The following DLGAP1 variants were observed in gnomAD, a reference collection of about 807,000 sequenced individuals.
The protein encoded by DLGAP1 is DLG associated protein 1, also known as disks large-associated protein 1.
In DLGAP1, 11 loss-of-function variants were observed where a neutral mutation model predicts 90.8. The observed-to-expected ratio is 0.12, with a 90% CI of 0.08 to 0.20. The LOEUF (loss-of-function observed/expected upper bound fraction) is 0.20, where lower values mean the gene tolerates loss of function less well. Among genes scored for constraint, DLGAP1 ranks in the 10% least tolerant of loss-of-function variants. The pLI, the probability that DLGAP1 is intolerant of heterozygous loss-of-function variation, is 1.00. For synonymous variants in DLGAP1, 558 were observed against 540.7 expected (o/e 1.03, Z -0.44); for missense variants, 1,050 against 1,333.8 (o/e 0.79, Z 3.31).
intron 8 of DLGAP1, among the ~76,000 whole-genome samples, chr18:3,578,061 T>C (rs967097221): frequency 2.0e-5 from 3 of 152,204 alleles, no homozygotes; most frequent in Admixed American, 6.5e-5. Flanking sequence ...ATTTTTACCA[T>C]ACCCAAAATG....
At chr18:4,090,438 T>C (rs1437090009) in intron 2 of DLGAP1, among the ~76,000 whole-genome samples, 2 of 152,170 alleles carry the variant, frequency 1.3e-5, no homozygotes, top group African/African-American at 4.8e-5. Flanking sequence ...GCAAAGGACA[T>C]GTACAGACAC....
At chr18:4,393,952 A>T (rs922983038) in intron 1 of DLGAP1, among the ~76,000 whole-genome samples, 1 of 142,682 alleles carries the variant, frequency 7.0e-6, no homozygotes, top group African/African-American at 2.5e-5. Flanking sequence ...GGTAATGCTC[A>T]CTCACCCATG....
chr18:4,075,687 G>A (rs1420744577), intron 2 of DLGAP1, among the ~76,000 whole-genome samples: 1 of 152,132 alleles, frequency 6.6e-6, no homozygotes, highest in Non-Finnish European at 1.5e-5. Flanking sequence ...GGCAGAGAAT[G>A]CTATTTAATT....
At chr18:4,408,536 T>A (rs551274211) in intron 1 of DLGAP1, among the ~76,000 whole-genome samples, 1 of 151,886 alleles carries the variant, frequency 6.6e-6, no homozygotes, top group South Asian at 2.1e-4. Flanking sequence ...GATATAAACA[T>A]GACGTTGGTA....
chr18:4,239,608 T>C (rs2078488242), intron 1 of DLGAP1, among the ~76,000 whole-genome samples: 2 of 152,134 alleles, frequency 1.3e-5, no homozygotes, highest in Admixed American at 1.3e-4. Context: ...TTAGCCCACA[T>C]TCATGTGATA....
At chr18:4,040,702 A>C (rs2074961534) in intron 2 of DLGAP1, among the ~76,000 whole-genome samples, 1 of 152,166 alleles carries the variant, frequency 6.6e-6, no homozygotes, top group Admixed American at 6.5e-5. Context: ...TATTTAGGAG[A>C]TGAAGTTCTG....
At chr18:3,783,393 A>G (rs1242975837) in intron 5 of DLGAP1, among the ~76,000 whole-genome samples, 3 of 152,242 alleles carry the variant, frequency 2.0e-5, no homozygotes, top group Admixed American at 6.5e-5. Flanking sequence ...AAAGTGAAAC[A>G]ATCCAAAGTT....
At chr18:4,404,592 T>G (rs1193355770) in intron 1 of DLGAP1, among the ~76,000 whole-genome samples, 1 of 152,214 alleles carries the variant, frequency 6.6e-6, no homozygotes, top group African/African-American at 2.4e-5. Context: ...GGGAAATAGC[T>G]TTGAGGGTTA....
At chr18:3,510,434 G>C (rs2050477425) in intron 10 of DLGAP1, among the ~76,000 whole-genome samples, 1 of 152,174 alleles carries the variant, frequency 6.6e-6, no homozygotes, top group Non-Finnish European at 1.5e-5. Flanking sequence ...GGCTAGGAGA[G>C]AAAAGGAAAA....
At chr18:3,844,538 G>T (rs2068897304) in intron 4 of DLGAP1, among the ~76,000 whole-genome samples, 2 of 152,208 alleles carry the variant, frequency 1.3e-5, no homozygotes, top group Admixed American at 6.6e-5. Context: ...AGCAATAGAA[G>T]TCTCAGAGAG....
chr18:3,784,599 C>T (rs1040916579), intron 5 of DLGAP1, among the ~76,000 whole-genome samples: 1 of 152,132 alleles, frequency 6.6e-6, no homozygotes, highest in African/African-American at 2.4e-5. Flanking sequence ...CTCTTGATGA[C>T]GGCCGGATCC....
intron 1 of DLGAP1, among the ~76,000 whole-genome samples, chr18:4,328,333 G>C (rs984392878): frequency 3.3e-5 from 5 of 151,858 alleles, no homozygotes; most frequent in African/African-American, 1.2e-4. Flanking sequence ...TTTTCACTTA[G>C]TAAAATGATT....
At chr18:3,519,600 A>G (rs566474230) in intron 10 of DLGAP1, among the ~76,000 whole-genome samples, 2 of 152,326 alleles carry the variant, frequency 1.3e-5, no homozygotes, top group South Asian at 4.1e-4. Flanking sequence ...CCCCAAGGCA[A>G]TAACAATAAG....
intron 7 of DLGAP1, among the ~76,000 whole-genome samples, chr18:3,593,059 T>G (rs1487792740): frequency 1.3e-5 from 2 of 151,776 alleles, no homozygotes; most frequent in Non-Finnish European, 2.9e-5. Context: ...AGTGACAGAG[T>G]TAGAGTACTC....
intron 1 of DLGAP1, among the ~76,000 whole-genome samples, chr18:4,365,711 G>A (rs1039987816): frequency 5.3e-5 from 8 of 152,024 alleles, no homozygotes; most frequent in African/African-American, 1.9e-4. Flanking sequence ...ATTTGAAAAC[G>A]AGAAACTTAT....
At chr18:3,680,188 C>T (rs576308980) in intron 7 of DLGAP1, 1 of 152,410 alleles carries the variant, frequency 6.6e-6, no homozygotes, top group South Asian at 2.1e-4. Context: ...ACATCTCCAT[C>T]TGTCATCTCT....
rs539670860 is a variant in DLGAP1 at position 3,511,556 on chromosome 18, G to GA, written c.2480-2896dup. 2.7e-3 allele frequency among the ~76,000 whole-genome samples: 370 copies of GA among 139,466 alleles called. 1 individual carries two copies. The highest frequency in any genetic ancestry group is 5.1e-3 in the African/African-American group (193 of 38,146). The allele number at this position is 139,466 out of a possible 152,430, so 91.5% of individuals were successfully genotyped here. ...ATGTTCAATACCAACCTTCACGGTG[G>GA]AAAAAAAAAAAACAGTTGGCTCTCT... On this transcript the variant is annotated intron_variant, in intron 10 of 12. Transcript: ENST00000315677.
intron 2 of DLGAP1, among the ~76,000 whole-genome samples, chr18:4,092,060 A>G (rs1022754518): frequency 6.6e-6 from 1 of 152,052 alleles, no homozygotes; most frequent in East Asian, 1.9e-4. Flanking sequence ...TTAGAAGTTG[A>G]GCTGGGTTTG....
intron 1 of DLGAP1, among the ~76,000 whole-genome samples, chr18:4,327,936 C>T (rs2080859503): frequency 1.3e-5 from 2 of 151,940 alleles, no homozygotes; most frequent in African/African-American, 2.4e-5. Flanking sequence ...ATTTGAGTTC[C>T]TGAAATCCCT....
Sources: allele counts gnomAD v4.1 joint callset (sites outside exome capture counted in the v4.1 genomes callset), GRCh38; gene constraint gnomAD v4.1.1; transcripts MANE v1.5; gene names NCBI Gene and HGNC (gene_info 2026-07-23, HGNC 2026-07-21).